The following KLF3 variants were observed in gnomAD, a reference collection of about 807,000 sequenced individuals.
KLF3 encodes the protein KLF transcription factor 3.
KLF3 carries 6 observed loss-of-function variants against 32.7 expected under a neutral mutation model. That is an observed-to-expected ratio of 0.18 (90% CI 0.10 to 0.36). The LOEUF is 0.36. Ranked by LOEUF, KLF3 falls within the 10% of genes least tolerant of loss-of-function variation. The pLI is 1.00. For synonymous variants in KLF3, 145 were observed against 172.8 expected (o/e 0.84, Z 1.26); for missense variants, 338 against 449.7 (o/e 0.75, Z 2.25).
chr4:38,692,154 A>G (rs1292297419), intron 4 of KLF3, among the ~76,000 whole-genome samples: 1 of 152,252 alleles, frequency 6.6e-6, no homozygotes, highest in East Asian at 1.9e-4. Flanking sequence ...TGCGAATTAT[A>G]GCAAACTTAA....
chr4:38,671,083 G>T lies in KLF3; in HGVS notation c.-40+6622G>T, dbSNP rs967713265. Among the ~76,000 whole-genome samples, 1 of 152,198 alleles carries T rather than the reference G, an allele frequency of 6.6e-6. No individual in the cohort carries two copies. Among genetic ancestry groups the T allele is most frequent in the African/African-American group, 2.4e-5 (1 of 41,452 alleles). The stretch of plus-strand genomic sequence containing the variant: ...TACTGGGGAAAGACCCCAGCATTAG[G>T]CGATTTTACCTAAAAGTCGGTCCCA... On this transcript the variant is annotated intron_variant, in intron 1 of 5. Coordinates refer to ENST00000261438, the MANE Select transcript of KLF3 (RefSeq NM_016531.6). The surrounding 1 kb of genome is among the most constrained non-coding windows in gnomAD (Gnocchi z 4.4).
chr4:38,687,303 T>C (rs898914627), intron 2 of KLF3, among the ~76,000 whole-genome samples: 44 of 152,332 alleles, frequency 2.9e-4, no homozygotes, highest in African/African-American at 8.9e-4. Flanking sequence ...AAGATGATGG[T>C]TTATGTTGAG....
chr4:38,678,631 G>A (rs1260253576), intron 1 of KLF3, among the ~76,000 whole-genome samples: 2 of 152,176 alleles, frequency 1.3e-5, no homozygotes, highest in African/African-American at 4.8e-5. Context: ...GAACGACATA[G>A]TATCACTTCC....
chr4:38,699,086 C>T lies in KLF3; in HGVS notation c.*1823C>T, dbSNP rs1335188786. On this transcript the variant is annotated 3_prime_UTR_variant, in exon 6 of 6. Transcript: ENST00000261438. Reference sequence around the variant, plus strand: ...ACCTAAGAGGCTAAGAGGTCCCACTCATCCGCCCTGTGAACCAGCTGTAAA... The same window carrying T: ...ACCTAAGAGGCTAAGAGGTCCCACTTATCCGCCCTGTGAACCAGCTGTAAA... 2 of 152,208 alleles carry T rather than the reference C, an allele frequency of 1.3e-5. No homozygotes were observed. Among genetic ancestry groups the T allele is most frequent in the South Asian group, 2.1e-4 (1 of 4,826 alleles). The allele number at this position is 152,208 out of a possible 1,614,324, so 9.4% of individuals were successfully genotyped here.
At position 38,674,785 on chromosome 4, in the gene KLF3, G is replaced by GGAAA. The variant is rs34896423; in HGVS notation, c.-39-5801_-39-5798dup. ...GGTCTTGCTCTAACCCCAAGAAACAGGAAACTGCTCCTGATACGTACACAT... is the reference window on the plus strand; with the variant it reads ...GGTCTTGCTCTAACCCCAAGAAACAGGAAAGAAACTGCTCCTGATACGTACACAT... On this transcript the variant is annotated intron_variant, in intron 1 of 5. Transcript: ENST00000261438. This position sits in a 1 kb window ranked among gnomAD's most constrained non-coding sequence, Gnocchi z 4.1. Among the ~76,000 whole-genome samples, 124,933 of 151,706 alleles carry GGAAA rather than the reference G, an allele frequency of 0.82. 52,311 individuals are homozygous for GGAAA. Among genetic ancestry groups the GGAAA allele is most frequent in the African/African-American group, 0.96 (39,831 of 41,416 alleles).
In KLF3 at chr4:38,695,334, G is replaced by A. The variant is rs199831435; in HGVS notation, c.856+428G>A. Among the ~76,000 whole-genome samples the A allele has an allele frequency of 7.9e-5, 12 of 152,274 alleles. No individual in the cohort carries two copies. In the East Asian group the frequency reaches 2.3e-3, roughly 29 times the overall value. ...CAGTTTAACACAAACAATTCAAATA[G>A]AAGACTGTCCTTCAAGGAAAGAAAA... On this transcript the variant is annotated intron_variant, in intron 5 of 5. Coordinates refer to ENST00000261438, the MANE Select transcript of KLF3 (RefSeq NM_016531.6).
chr4:38,688,424 CTT>C lies in KLF3; in HGVS notation c.58-159_58-158del, dbSNP rs913375430. ...AGCATTTTTAATGTTGAGACCACCT[CTT>C]TGAGCATTTTTTTAAGGTCACATAT... On this transcript the variant is annotated intron_variant, in intron 2 of 5. Transcript: ENST00000261438. This position sits in a 1 kb window ranked among gnomAD's most constrained non-coding sequence, Gnocchi z 4.9. Among the ~76,000 whole-genome samples the C allele has an allele frequency of 3.3e-5, 5 of 152,162 alleles. No individual in the cohort carries two copies. The highest frequency in any genetic ancestry group is 7.3e-5 in the Non-Finnish European group (5 of 68,042).
chr4:38,678,413 G>T (rs900023324), intron 1 of KLF3, among the ~76,000 whole-genome samples: 1 of 152,120 alleles, frequency 6.6e-6, no homozygotes, highest in Non-Finnish European at 1.5e-5. Context: ...TGGCTGTTGC[G>T]GTTAGTTCTT....
At chr4:38,693,080 A>ATATATATACACG (rs1491241561) in intron 4 of KLF3, among the ~76,000 whole-genome samples, 1 of 133,650 alleles carries the variant, frequency 7.5e-6, no homozygotes. Flanking sequence ...ATATATACAC[A>ATATATATACACG]TATATATACA....
intron 5 of KLF3, among the ~76,000 whole-genome samples, chr4:38,695,423 A>T (rs1427131897): frequency 6.6e-6 from 1 of 152,196 alleles, no homozygotes; most frequent in Non-Finnish European, 1.5e-5. Context: ...GTTGCCTACC[A>T]TATTTGTTCT....
intron 2 of KLF3, among the ~76,000 whole-genome samples, chr4:38,686,006 C>T (rs1440061490): frequency 6.6e-6 from 1 of 152,058 alleles, no homozygotes; most frequent in African/African-American, 2.4e-5. Context: ...GGATCTCTTG[C>T]GTTGGTACTG....
intron 2 of KLF3, among the ~76,000 whole-genome samples, chr4:38,684,552 T>G (rs1257757975): frequency 2.0e-5 from 3 of 150,272 alleles, no homozygotes; most frequent in African/African-American, 7.3e-5. Flanking sequence ...TTTTTTTTTT[T>G]TTTTTTTTTG....
At position 38,681,101 on chromosome 4, in the gene KLF3, A is replaced by G. The variant is rs1722511280; in HGVS notation, c.57+419A>G. The G allele has an allele frequency of 2.9e-5, 5 of 170,650 alleles. No individual in the cohort carries two copies. In the South Asian group the frequency reaches 6.6e-4, roughly 22 times the overall value. 10.6% of individuals were successfully genotyped at this position (170,650 alleles called of 1,614,324 possible). ...TCACTCATTGCTTGACAGGCATTTC[A>G]TAGGCAAACTTTTCTCAACGCCACC... On this transcript the variant is annotated intron_variant, in intron 2 of 5. Coordinates refer to ENST00000261438, the MANE Select transcript of KLF3 (RefSeq NM_016531.6).
Position 38,680,817 on chromosome 4 carries a change from G to A in KLF3, c.57+135G>A, listed in dbSNP as rs1200711058. On this transcript the variant is annotated intron_variant, in intron 2 of 5. Coordinates refer to ENST00000261438, the MANE Select transcript of KLF3 (RefSeq NM_016531.6). The stretch of plus-strand genomic sequence containing the variant: ...TGTAATCCCAGCACTTTGGGAGACC[G>A]AGGCGGGAGGATCACCTGAGGTCGG... 17 of 628,126 alleles carry A rather than the reference G, an allele frequency of 2.7e-5. 1 individual carries two copies. The highest frequency in any genetic ancestry group is 1.8e-4 in the Admixed American group (8 of 45,636). The allele number at this position is 628,126 out of a possible 1,614,324, so 38.9% of individuals were successfully genotyped here.
intron 4 of KLF3, 53 bp downstream of exon 4, chr4:38,689,932 C>G: frequency 5.9e-6 from 9 of 1,520,670 alleles, no homozygotes; most frequent in Non-Finnish European, 8.0e-6. Context: ...CATCTTGGAA[C>G]CTGGAGCAGA....
intron 1 of KLF3, among the ~76,000 whole-genome samples, chr4:38,670,749 CAG>C (rs1282271148): frequency 2.0e-5 from 3 of 152,256 alleles, no homozygotes; most frequent in African/African-American, 4.8e-5. Context: ...AGCCGCTGGA[CAG>C]AGTTTCCATG....
intron 1 of KLF3, among the ~76,000 whole-genome samples, chr4:38,676,563 G>A (rs7664544): frequency 3.3e-5 from 5 of 152,176 alleles, no homozygotes; most frequent in Non-Finnish European, 5.9e-5. Flanking sequence ...GGTTCCAGAC[G>A]TTTTCTTTGC....
At chr4:38,682,495 G>A (rs748488823) in intron 2 of KLF3, among the ~76,000 whole-genome samples, 8 of 152,218 alleles carry the variant, frequency 5.3e-5, no homozygotes, top group Non-Finnish European at 1.2e-4. Context: ...TCTTGAAATA[G>A]GAATAGGTTT....
chr4:38,690,890 T>C (rs909374015), intron 4 of KLF3: 1 of 152,214 alleles, frequency 6.6e-6, no homozygotes, highest in African/African-American at 2.4e-5. Context: ...CACATTCAGC[T>C]TGGGTAGGTA....
Sources: gnomAD v4.1 joint callset for allele counts (sites outside exome capture counted in the v4.1 genomes callset) on GRCh38, gnomAD v4.1.1 for gene constraint, Gnocchi (gnomAD v3.1) non-coding constraint, MANE v1.5 for transcripts, NCBI Gene and HGNC (gene_info 2026-07-23, HGNC 2026-07-21) for gene names.